Variants in KIF26B observed in about 807,000 individuals in gnomAD.
The protein encoded by KIF26B is kinesin family member 26B, also known as kinesin-like protein KIF26B.
KIF26B carries 63 observed loss-of-function variants against 151.2 expected under a neutral mutation model. The ratio of observed to expected loss-of-function variants is 0.42; its 90% CI spans 0.34 to 0.51. The LOEUF (loss-of-function observed/expected upper bound fraction) is 0.51. KIF26B is among the 20% of genes least tolerant of loss of function. KIF26B has a pLI of 0.07. For missense variants in KIF26B, 2,813 were observed against 2,913.6 expected, an observed-to-expected ratio of 0.97 and a Z score of 0.79; for synonymous variants, 1,357 against 1,262.1, an observed-to-expected ratio of 1.08 and a Z score of -1.59.
At chr1:245,336,042 GGTCCCACGCAGGGAAAGGAGA>G (rs1192458477) in intron 2 of KIF26B, among the ~76,000 whole-genome samples, 7,159 of 95,572 alleles carry the variant, frequency 0.075, 139 homozygotes, top group African/African-American at 0.16. Context: ...GGGAAAGGAG[GGTCCCACGCAGGGAAAGGAGA>G]GTCCCACGCA....
intron 2 of KIF26B, among the ~76,000 whole-genome samples, chr1:245,316,178 C>T (rs1207126915): frequency 1.3e-5 from 2 of 151,572 alleles, no homozygotes; most frequent in Non-Finnish European, 2.9e-5. Flanking sequence ...TTCTTGTTGC[C>T]CAGGATAGAG....
chr1:245,403,852 C>A (rs1674068390), intron 3 of KIF26B, among the ~76,000 whole-genome samples: 1 of 152,154 alleles, frequency 6.6e-6, no homozygotes, highest in South Asian at 2.1e-4. Context: ...GATTTCCTGC[C>A]CTCATGGAAC....
intron 4 of KIF26B, among the ~76,000 whole-genome samples, chr1:245,513,093 C>T (rs2103085074): frequency 6.6e-6 from 1 of 152,018 alleles, no homozygotes; most frequent in East Asian, 1.9e-4. Context: ...AAAAAGAAAC[C>T]ATCTTTCGAG....
At chr1:245,518,757 G>A (rs970725439) in intron 4 of KIF26B, among the ~76,000 whole-genome samples, 31 of 152,110 alleles carry the variant, frequency 2.0e-4, no homozygotes, top group Non-Finnish European at 1.5e-5. Flanking sequence ...TCAGAACGCC[G>A]CGGTGGTTAC....
At chr1:245,476,629 G>A (rs1294634446) in intron 4 of KIF26B, among the ~76,000 whole-genome samples, 2 of 151,282 alleles carry the variant, frequency 1.3e-5, no homozygotes, top group South Asian at 2.1e-4. Context: ...TTGACCTCCC[G>A]GGCTCAAGTG....
At chr1:245,287,306 G>A (rs1178875315) in intron 2 of KIF26B, among the ~76,000 whole-genome samples, 1 of 151,864 alleles carries the variant, frequency 6.6e-6, no homozygotes, top group Non-Finnish European at 1.5e-5. Context: ...ACTGGTTAAT[G>A]TTTGTTACTT....
At chr1:245,584,117 G>C (rs1180071376) in intron 5 of KIF26B, among the ~76,000 whole-genome samples, 1 of 152,168 alleles carries the variant, frequency 6.6e-6, no homozygotes, top group Middle Eastern at 3.2e-3. Flanking sequence ...GTGACTCGGT[G>C]CCATCCTCAT....
At chr1:245,184,597 T>C (rs1486142887) in intron 2 of KIF26B, among the ~76,000 whole-genome samples, 1 of 152,162 alleles carries the variant, frequency 6.6e-6, no homozygotes, top group Non-Finnish European at 1.5e-5. Context: ...TGTGTAAAAA[T>C]AGGAGTCAAA....
chr1:245,580,981 G>A (rs575246240), intron 5 of KIF26B, among the ~76,000 whole-genome samples: 1 of 152,342 alleles, frequency 6.6e-6, no homozygotes, highest in East Asian at 1.9e-4. Flanking sequence ...CCGAGACAAG[G>A]GTTTTGTCCT....
At chr1:245,457,582 C>G (rs1659563836) in intron 4 of KIF26B, among the ~76,000 whole-genome samples, 1 of 152,184 alleles carries the variant, frequency 6.6e-6, no homozygotes, top group Non-Finnish European at 1.5e-5. Context: ...CTCCTTTTAT[C>G]TCATCCCCCT....
chr1:245,305,490 G>A (rs1671518585), intron 2 of KIF26B, among the ~76,000 whole-genome samples: 1 of 152,120 alleles, frequency 6.6e-6, no homozygotes, highest in Non-Finnish European at 1.5e-5. Context: ...CACATGAAAA[G>A]ATAATTCAGC....
At chr1:245,294,353 C>T (rs1474713391) in intron 2 of KIF26B, among the ~76,000 whole-genome samples, 1 of 152,170 alleles carries the variant, frequency 6.6e-6, no homozygotes, top group African/African-American at 2.4e-5. Context: ...ACAGGACAAT[C>T]CTTCCACGGT....
chr1:245,702,432 T>C lies in KIF26B; in HGVS notation c.6179-26T>C, dbSNP rs2044784506. ...CTTCTCACCCTGTTTGCTCTGCGTC[T>C]CCATCAGGCTCTTCCTCTCTTGCAG... On this transcript the variant is annotated intron_variant, in intron 14 of 14. Coordinates refer to ENST00000407071, the MANE Select transcript of KIF26B (RefSeq NM_018012.4). The surrounding 1 kb of genome is among the most constrained non-coding windows in gnomAD (Gnocchi z 4.1). 6.2e-7 allele frequency: 1 copy of C among 1,612,702 alleles called. No individual in the cohort carries two copies. The highest frequency in any genetic ancestry group is 8.5e-7 in the Non-Finnish European group (1 of 1,178,982).
At chr1:245,605,388 C>T (rs1188776124) in intron 6 of KIF26B, among the ~76,000 whole-genome samples, 2 of 152,216 alleles carry the variant, frequency 1.3e-5, no homozygotes, top group African/African-American at 4.8e-5. Context: ...CTCCAGTCCT[C>T]ATTTTCAGCC....
At chr1:245,653,687 A>C (rs532925267) in intron 10 of KIF26B, among the ~76,000 whole-genome samples, 1 of 152,246 alleles carries the variant, frequency 6.6e-6, no homozygotes, top group African/African-American at 2.4e-5. Flanking sequence ...TGCTCGGTCA[A>C]CATTTGTTGC....
chr1:245,699,271 G>A (rs1485930060), intron 14 of KIF26B, among the ~76,000 whole-genome samples: 2 of 152,134 alleles, frequency 1.3e-5, no homozygotes, highest in African/African-American at 2.4e-5. Context: ...TTATTTCTAC[G>A]TGTCTCAGTC....
At chr1:245,526,558 G>A (rs1029009306) in intron 4 of KIF26B, among the ~76,000 whole-genome samples, 12 of 152,184 alleles carry the variant, frequency 7.9e-5, no homozygotes, top group Admixed American at 6.5e-4. Context: ...TGAAAGGGGG[G>A]AAAAGAAATT....
chr1:245,566,523 G>A (rs1372714405), intron 5 of KIF26B, among the ~76,000 whole-genome samples: 1 of 152,248 alleles, frequency 6.6e-6, no homozygotes, highest in Non-Finnish European at 1.5e-5. Flanking sequence ...AGTTGCTTGT[G>A]CTGAGATTTT....
At chr1:245,457,066 A>G (rs1319681328) in intron 4 of KIF26B, among the ~76,000 whole-genome samples, 1 of 152,216 alleles carries the variant, frequency 6.6e-6, no homozygotes, top group African/African-American at 2.4e-5. Context: ...GGGTTTCACC[A>G]CGTTGGCCAG....
Sources: gnomAD v4.1 joint callset for allele counts (sites outside exome capture counted in the v4.1 genomes callset) on GRCh38, gnomAD v4.1.1 for gene constraint, Gnocchi (gnomAD v3.1) non-coding constraint, MANE v1.5 for transcripts, NCBI Gene and HGNC (gene_info 2026-07-23, HGNC 2026-07-21) for gene names.